PLCL1: variants seen among roughly 807,000 people sequenced by gnomAD.
PLCL1 encodes the protein phospholipase C like 1 (inactive).
In PLCL1, 41 loss-of-function variants were observed where a neutral mutation model predicts 84.4. The ratio of observed to expected loss-of-function variants is 0.49; its 90% CI spans 0.38 to 0.63. The LOEUF (loss-of-function observed/expected upper bound fraction) is 0.63. Ranked by LOEUF, PLCL1 falls within the 30% of genes least tolerant of loss-of-function variation. The probability of loss-of-function intolerance (pLI) is 0.00; values close to 1 mark genes in which losing one functional copy is unlikely to be tolerated. For missense variants in PLCL1, 1,206 were observed against 1,367.8 expected, an observed-to-expected ratio of 0.88 and a Z score of 1.87; for synonymous variants, 490 against 488.3, an observed-to-expected ratio of 1.00 and a Z score of -0.05.
intron 1 of PLCL1, among the ~76,000 whole-genome samples, chr2:197,893,667 A>T (rs774547818): frequency 3.3e-5 from 5 of 152,124 alleles, no homozygotes; most frequent in Admixed American, 6.6e-5. Flanking sequence ...GTGTGTTTTC[A>T]TCTCAGCATG....
At chr2:198,058,936 A>C (rs1692127090) in intron 1 of PLCL1, among the ~76,000 whole-genome samples, 1 of 152,216 alleles carries the variant, frequency 6.6e-6, no homozygotes, top group Non-Finnish European at 1.5e-5. Flanking sequence ...CTTTTTCTTA[A>C]AGATTTCCAA....
intron 1 of PLCL1, among the ~76,000 whole-genome samples, chr2:197,970,118 A>G (rs1341277788): frequency 6.6e-6 from 1 of 152,230 alleles, no homozygotes; most frequent in Non-Finnish European, 1.5e-5. Flanking sequence ...CGAGTAATTT[A>G]TAGAGAAAAG....
chr2:197,889,710 G>GT (rs902368838), intron 1 of PLCL1, among the ~76,000 whole-genome samples: 45 of 151,116 alleles, frequency 3.0e-4, no homozygotes, highest in Admixed American at 1.3e-3. Context: ...ATTTATTTCA[G>GT]TTTTTTTTTC....
intron 1 of PLCL1, among the ~76,000 whole-genome samples, chr2:197,948,062 TA>T (rs1689316620): frequency 6.6e-6 from 1 of 152,140 alleles, no homozygotes; most frequent in Non-Finnish European, 1.5e-5. Flanking sequence ...TTGTCCAGGT[TA>T]AAAGTGATGT....
At chr2:197,999,859 T>C (rs546504100) in intron 1 of PLCL1, among the ~76,000 whole-genome samples, 1 of 152,300 alleles carries the variant, frequency 6.6e-6, no homozygotes, top group Admixed American at 6.5e-5. Flanking sequence ...TGTGTGTGTG[T>C]GCTTATCCAC....
At chr2:198,103,796 C>T (rs1693403602) in intron 4 of PLCL1, 31 bp from the exon 5 acceptor site, 1 of 1,162,818 alleles carries the variant, frequency 8.6e-7, no homozygotes, top group African/African-American at 1.6e-5. Flanking sequence ...GAGATATATA[C>T]TCAGATTTCT....
chr2:197,871,399 T>A (rs1233638710), intron 1 of PLCL1, among the ~76,000 whole-genome samples: 1 of 152,080 alleles, frequency 6.6e-6, no homozygotes, highest in African/African-American at 2.4e-5. Flanking sequence ...GCAGAAGTTC[T>A]CAAGTGTTGA....
chr2:198,021,046 GTCTCT>G (rs1398756093), intron 1 of PLCL1, among the ~76,000 whole-genome samples: 1 of 152,140 alleles, frequency 6.6e-6, no homozygotes, highest in Non-Finnish European at 1.5e-5. Flanking sequence ...ATAACAAACA[GTCTCT>G]CAGACCACAG....
intron 5 of PLCL1, among the ~76,000 whole-genome samples, chr2:198,146,027 G>A (rs191230358): frequency 1.7e-4 from 26 of 152,248 alleles, no homozygotes; most frequent in Admixed American, 5.9e-4. Context: ...ATCAGTATAC[G>A]CACTTTATCT....
chr2:198,082,221 C>T (rs981445269), intron 1 of PLCL1, among the ~76,000 whole-genome samples: 3 of 152,122 alleles, frequency 2.0e-5, no homozygotes, highest in Non-Finnish European at 4.4e-5. Flanking sequence ...TTATTAATTC[C>T]TATCAGAAAT....
chr2:197,994,392 T>A (rs1690413908), intron 1 of PLCL1, among the ~76,000 whole-genome samples: 1 of 152,190 alleles, frequency 6.6e-6, no homozygotes, highest in Non-Finnish European at 1.5e-5. Flanking sequence ...AAACATCATA[T>A]GCAGTCCATA....
At chr2:197,985,751 C>A (rs1234451851) in intron 1 of PLCL1, among the ~76,000 whole-genome samples, 1 of 152,180 alleles carries the variant, frequency 6.6e-6, no homozygotes, top group South Asian at 2.1e-4. Flanking sequence ...TATTTACTGT[C>A]TGGCCTTTTA....
Position 198,085,460 on chromosome 2 carries a change from G to A in PLCL1, c.1943G>A (p.Arg648Lys), listed in dbSNP as rs772026588. ...TCAAGAATCTATCCAAGTGCCATGA[G>A]GATCGATTCCAGTAACTTGAATCCA... ...FLSRIYPSAM[R>K]IDSSNLNPQD... is the part of the protein sequence containing the mutation. The change falls in exon 2 of 6, where the codon AGG (arginine) becomes AAG (lysine). Residue 648 changes from arginine to lysine, a missense_variant. Transcript: ENST00000428675. The surrounding 1 kb of genome is among the most constrained non-coding windows in gnomAD (Gnocchi z 5.3). 12 of 1,613,942 alleles carry A rather than the reference G, an allele frequency of 7.4e-6. No individual in the cohort carries two copies. Among genetic ancestry groups the A allele is most frequent in the Admixed American group, 1.7e-5 (1 of 60,008 alleles).
chr2:197,887,137 T>C (rs1221868847), intron 1 of PLCL1, among the ~76,000 whole-genome samples: 3 of 152,220 alleles, frequency 2.0e-5, no homozygotes, highest in Non-Finnish European at 4.4e-5. Context: ...CATATTTTAT[T>C]AAGCATATAC....
intron 1 of PLCL1, among the ~76,000 whole-genome samples, chr2:198,061,129 G>T (rs1005881262): frequency 3.3e-5 from 5 of 152,008 alleles, no homozygotes; most frequent in African/African-American, 1.2e-4. Context: ...ATATGCTCGT[G>T]AAAAAAAGAT....
intron 1 of PLCL1, among the ~76,000 whole-genome samples, chr2:197,847,415 G>C (rs1687140649): frequency 6.6e-6 from 1 of 152,134 alleles, no homozygotes; most frequent in Non-Finnish European, 1.5e-5. Context: ...TCATACAATA[G>C]ATGTTTTTAT....
chr2:197,917,077 C>T (rs1688612898), intron 1 of PLCL1, among the ~76,000 whole-genome samples: 1 of 152,142 alleles, frequency 6.6e-6, no homozygotes, highest in Non-Finnish European at 1.5e-5. Flanking sequence ...AATGGAACAG[C>T]CACTTTAAAA....
chr2:198,086,838 G>C (rs1410555922), intron 2 of PLCL1, among the ~76,000 whole-genome samples: 2 of 152,112 alleles, frequency 1.3e-5, no homozygotes, highest in African/African-American at 2.4e-5. Flanking sequence ...TGGGAACCAA[G>C]TAGAATATAC....
At chr2:198,090,108 A>G (rs1206303287) in intron 3 of PLCL1, among the ~76,000 whole-genome samples, 2 of 152,156 alleles carry the variant, frequency 1.3e-5, no homozygotes, top group Non-Finnish European at 2.9e-5. Flanking sequence ...AGAGAGAAGC[A>G]TAAACATTTA....
Sources: gnomAD v4.1 joint callset for allele counts (sites outside exome capture counted in the v4.1 genomes callset) on GRCh38, gnomAD v4.1.1 for gene constraint, Gnocchi (gnomAD v3.1) non-coding constraint, MANE v1.5 for transcripts, NCBI Gene and HGNC (gene_info 2026-07-23, HGNC 2026-07-21) for gene names.